Variants in CAND2 observed in about 807,000 individuals in gnomAD.
The protein encoded by CAND2 is cullin-associated NEDD8-dissociated protein 2.
Under a neutral mutation model 98.9 loss-of-function variants are expected in CAND2, and 62 were observed. The ratio of observed to expected loss-of-function variants is 0.63; its 90% CI spans 0.51 to 0.77. CAND2 has a LOEUF of 0.77. CAND2 is among the 30% of genes least tolerant of loss of function. The pLI is 0.00. For missense variants in CAND2, 1,501 were observed against 1,655.2 expected (o/e 0.91, Z 1.62); for synonymous variants, 770 against 731.9 (o/e 1.05, Z -0.84).
intron 1 of CAND2, among the ~76,000 whole-genome samples, chr3:12,799,380 A>G (rs2061750373): frequency 6.6e-6 from 1 of 152,192 alleles, no homozygotes; most frequent in African/African-American, 2.4e-5. Flanking sequence ...ATACTCACTT[A>G]AAGCCAAACT....
intron 11 of CAND2, among the ~76,000 whole-genome samples, chr3:12,823,601 C>CCCAA (rs1168375188): frequency 6.6e-6 from 1 of 152,148 alleles, no homozygotes; most frequent in African/African-American, 2.4e-5. Context: ...TGCTGGCGGG[C>CCCAA]GCCTGTAGTC....
chr3:12,833,668 CAG>C (rs1341433648), intron 14 of CAND2, 85 bp from the exon 15 acceptor site: 6 of 1,023,480 alleles, frequency 5.9e-6, no homozygotes, highest in Non-Finnish European at 9.1e-6. Context: ...GATGATGGGG[CAG>C]AGAGGAAGCC....
chr3:12,810,650 T>C lies in CAND2; in HGVS notation c.757+326T>C, dbSNP rs149528711. Among the ~76,000 whole-genome samples, 968 of 152,350 alleles carry C rather than the reference T, an allele frequency of 6.4e-3. 4 individuals carry two copies. The highest frequency in any genetic ancestry group is 0.011 in the Non-Finnish European group (727 of 68,024). On this transcript the variant is annotated intron_variant, in intron 5 of 14. Transcript: ENST00000456430. Reference sequence around the variant, plus strand: ...AGAAGGGGGTTGGTTCAATCACTTATGAGACGTGGAGGCTGGCTGGTAATT... The same window carrying C: ...AGAAGGGGGTTGGTTCAATCACTTACGAGACGTGGAGGCTGGCTGGTAATT...
At chr3:12,832,218 ATCT>A (rs1379455922) in intron 14 of CAND2, 3 of 152,266 alleles carry the variant, frequency 2.0e-5, no homozygotes, top group Admixed American at 6.5e-5. Context: ...CAAAAATGAA[ATCT>A]TCTGTGGATA....
intron 4 of CAND2, among the ~76,000 whole-genome samples, chr3:12,808,922 T>C (rs1456228908): frequency 6.6e-6 from 1 of 151,940 alleles, no homozygotes; most frequent in Non-Finnish European, 1.5e-5. Context: ...GAGAGGTGGG[T>C]ATGCAGAGCT....
intron 13 of CAND2, 39 bp from the exon 14 acceptor site, chr3:12,831,426 G>A (rs1307192660): frequency 1.3e-6 from 2 of 1,542,852 alleles, no homozygotes; most frequent in East Asian, 4.5e-5. Context: ...TCTTGCTCCT[G>A]CACCATTTCA....
At position 12,827,481 on chromosome 3, in the gene CAND2, G is replaced by T. The variant is rs1001911203; in HGVS notation, c.3252G>T (p.Leu1084=). 1 of 1,613,962 alleles carries T rather than the reference G, an allele frequency of 6.2e-7. No individual in the cohort carries two copies. Among genetic ancestry groups the T allele is most frequent in the Non-Finnish European group, 8.5e-7 (1 of 1,179,982 alleles). ...GPFKHTVDDG[L]DVRKAAFECM... ...TTAAACATACAGTGGACGATGGGCTGGACGTGCGGAAGGCGGCCTTTGAAT... is the reference window on the plus strand; with the variant it reads ...TTAAACATACAGTGGACGATGGGCTTGACGTGCGGAAGGCGGCCTTTGAAT... The change falls in exon 13 of 15, where the codon CTG becomes CTT. Residue 1084 remains leucine (L), a synonymous_variant. Transcript: ENST00000456430.
At chr3:12,801,343 C>A (rs1344646059) in intron 1 of CAND2, among the ~76,000 whole-genome samples, 1 of 152,186 alleles carries the variant, frequency 6.6e-6, no homozygotes, top group Non-Finnish European at 1.5e-5. Context: ...AGGCCAAAGT[C>A]AGTATTTTTG....
In CAND2 at chr3:12,834,583, G is replaced by A. The variant is rs1308831617; in HGVS notation, c.*601G>A. Reference sequence around the variant, plus strand: ...GTTGGGTAGGGAACTGGACAGGCTTGGACCTCATGTTTCATTTCTAATTTC... The same window carrying A: ...GTTGGGTAGGGAACTGGACAGGCTTAGACCTCATGTTTCATTTCTAATTTC... On this transcript the variant is annotated 3_prime_UTR_variant, in exon 15 of 15. Coordinates refer to ENST00000456430, the MANE Select transcript of CAND2 (RefSeq NM_001162499.2). The A allele has an allele frequency of 6.5e-6, 1 of 152,940 alleles. No individual in the cohort carries two copies. Among genetic ancestry groups the A allele is most frequent in the Admixed American group, 6.5e-5 (1 of 15,406 alleles). 9.5% of individuals were successfully genotyped at this position (152,940 alleles called of 1,614,324 possible). A position where few individuals can be genotyped will look rare whatever the true frequency, so the allele number is the denominator to read the frequency against.
rs1275553869 is a variant in CAND2, at chr3:12,816,459, C to T, written c.1527C>T (p.Thr509=). 9.9e-6 allele frequency: 16 copies of T among 1,613,880 alleles called. No individual in the cohort carries two copies. The highest frequency in any genetic ancestry group is 3.3e-5 in the Admixed American group (2 of 60,012). ...CCTTCTTGCAGGGGCTGCTGGGCACCGAACCAGCTGAGGCCTTCCACCCAC... is the reference window on the plus strand; with the variant it reads ...CCTTCTTGCAGGGGCTGCTGGGCACTGAACCAGCTGAGGCCTTCCACCCAC... ...ALAFLQGLLG[T]EPAEAFHPHL... is the part of the protein sequence containing the mutation. Residue 509 remains threonine (T), a synonymous_variant, in exon 10 of 15, where the codon ACC becomes ACT. Coordinates refer to ENST00000456430, the MANE Select transcript of CAND2 (RefSeq NM_001162499.2).
chr3:12,819,754 T>G (rs1043607267), intron 10 of CAND2, among the ~76,000 whole-genome samples: 1 of 152,250 alleles, frequency 6.6e-6, no homozygotes, highest in Admixed American at 6.5e-5. Flanking sequence ...GGATCATTGT[T>G]AGGACTCATT....
At position 12,815,051 on chromosome 3, in the gene CAND2, C is replaced by T. The variant is rs2061885117; in HGVS notation, c.1007-90C>T. On this transcript the variant is annotated intron_variant, in intron 7 of 14. Transcript: ENST00000456430. This position sits in a 1 kb window ranked among gnomAD's most constrained non-coding sequence, Gnocchi z 5.7. ...TCATCAAAAAGTGAAGCACAGTGCC[C>T]AGCTCTCTCTCCTCCCTGTCCCTTC... 3.8e-6 allele frequency: 5 copies of T among 1,332,264 alleles called. No individual in the cohort carries two copies. The highest frequency in any genetic ancestry group is 5.2e-6 in the Non-Finnish European group (5 of 958,380). 82.5% of individuals were successfully genotyped at this position (1,332,264 alleles called of 1,614,324 possible).
chr3:12,808,123 C>T, intron 3 of CAND2, 87 bp from the exon 4 acceptor site: 1 of 1,488,438 alleles, frequency 6.7e-7, no homozygotes, highest in Non-Finnish European at 9.1e-7. Context: ...GGCTCAGGAA[C>T]ACAGCCAGAG....
At chr3:12,802,370 C>A (rs2061772835) in intron 1 of CAND2, among the ~76,000 whole-genome samples, 1 of 152,170 alleles carries the variant, frequency 6.6e-6, no homozygotes, top group Non-Finnish European at 1.5e-5. Flanking sequence ...ATCACTTTCT[C>A]AGCTGTTGTG....
intron 2 of CAND2, 45 bp downstream of exon 2, chr3:12,803,676 T>G: frequency 6.6e-7 from 1 of 1,525,192 alleles, no homozygotes; most frequent in Non-Finnish European, 8.8e-7. Flanking sequence ...CCCTACCTTG[T>G]GTGGGAGCAT....
At chr3:12,824,918 C>G (rs1335934964) in intron 11 of CAND2, among the ~76,000 whole-genome samples, 1 of 151,976 alleles carries the variant, frequency 6.6e-6, no homozygotes, top group East Asian at 1.9e-4. Context: ...AACAACAAAA[C>G]AAAACAAAAA....
Position 12,820,223 on chromosome 3 carries a change from C to T in CAND2, c.3040+42C>T, listed in dbSNP as rs761216190. On this transcript the variant is annotated intron_variant, in intron 11 of 14. Coordinates refer to ENST00000456430, the MANE Select transcript of CAND2 (RefSeq NM_001162499.2). ...TGCCCCTCCACCTTGTTCAGTGCCCCCACCCAGTCCTTGAGCTTGGGCTGA... is the reference window on the plus strand; with the variant it reads ...TGCCCCTCCACCTTGTTCAGTGCCCTCACCCAGTCCTTGAGCTTGGGCTGA... 8 of 1,442,566 alleles carry T rather than the reference C, an allele frequency of 5.5e-6. No individual in the cohort carries two copies. The East Asian group carries it at 1.4e-4, about 25-fold the overall frequency. 89.4% of individuals were successfully genotyped at this position (1,442,566 alleles called of 1,614,324 possible).
At chr3:12,819,842 C>T (rs964127463) in intron 10 of CAND2, among the ~76,000 whole-genome samples, 1 of 152,100 alleles carries the variant, frequency 6.6e-6, no homozygotes, top group African/African-American at 2.4e-5. Context: ...TTATTGGTTC[C>T]CTGTTTGCAG....
Position 12,827,516 on chromosome 3 carries a change from C to G in CAND2, c.3287C>G (p.Ser1096Ter). 1 of 1,614,078 alleles carries G rather than the reference C, an allele frequency of 6.2e-7. No individual in the cohort carries two copies. The highest frequency in any genetic ancestry group is 8.5e-7 in the Non-Finnish European group (1 of 1,180,010). The change falls in exon 13 of 15, where the codon TCA becomes TGA. Residue 1096 changes from serine to a stop codon, truncating the protein, a stop_gained. Coordinates refer to ENST00000456430, the MANE Select transcript of CAND2 (RefSeq NM_001162499.2). LOFTEE classifies it high-confidence loss of function. ...VRKAAFECMY[S>*]LLESCLGQLD... ...AAGGCGGCCTTTGAATGCATGTATT[C>G]ACTGCTTGAGAGCTGCCTGGGCCAG...
Sources: allele counts gnomAD v4.1 joint callset (sites outside exome capture counted in the v4.1 genomes callset), GRCh38; gene constraint gnomAD v4.1.1; non-coding constraint Gnocchi (gnomAD v3.1); transcripts MANE v1.5; gene names NCBI Gene and HGNC (gene_info 2026-07-23, HGNC 2026-07-21).